The following IL17D variants were observed in gnomAD, a reference collection of about 807,000 sequenced individuals.
IL17D encodes interleukin 17D.
In IL17D, 10 loss-of-function variants were observed where a neutral mutation model predicts 5.7. That is an observed-to-expected ratio of 1.75 (90% CI 1.08 to 2.97). The LOEUF (loss-of-function observed/expected upper bound fraction) is 2.97, where lower values mean the gene tolerates loss of function less well. IL17D is among the 30% of genes most tolerant of loss of function. The pLI is 0.00. For synonymous variants in IL17D, 172 were observed against 141.7 expected (o/e 1.21, Z -1.52); for missense variants, 354 against 292.7 (o/e 1.21, Z -1.53).
chr13:20,704,272 G>T lies in IL17D; in HGVS notation c.271G>T (p.Val91Leu). Reference protein sequence around the residue: ...RFRPPTNLRSVSPWAYRISYD... With the variant: ...RFRPPTNLRSLSPWAYRISYD... Reference sequence around the variant, plus strand: ...CCGGCCGCCCACCAACCTGCGCAGCGTGTCGCCCTGGGCCTACAGGTGAGC... The same window carrying T: ...CCGGCCGCCCACCAACCTGCGCAGCTTGTCGCCCTGGGCCTACAGGTGAGC... The change falls in exon 1 of 2, where the codon GTG becomes TTG. Residue 91 changes from valine to leucine, a missense_variant. By Grantham distance (32) the Val-to-Leu change is conservative. Coordinates refer to ENST00000682841, the MANE Select transcript of IL17D (RefSeq NM_001385224.1). The T allele has an allele frequency of 1.6e-6, 2 of 1,270,244 alleles. No homozygotes were observed. Among genetic ancestry groups the T allele is most frequent in the Non-Finnish European group, 9.9e-7 (1 of 1,010,706 alleles). 78.7% of individuals were successfully genotyped at this position (1,270,244 alleles called of 1,614,324 possible).
chr13:20,722,072 G>C lies in IL17D; in HGVS notation c.*118G>C. 1.2e-6 allele frequency: 1 copy of C among 815,448 alleles called. No individual in the cohort carries two copies. Among genetic ancestry groups the C allele is most frequent in the Non-Finnish European group, 1.8e-6 (1 of 542,758 alleles). 50.5% of individuals were successfully genotyped at this position (815,448 alleles called of 1,614,324 possible). ...GAGTGCACCGAGCAAACCAAGTGCC[G>C]GAGCACCAGCGCCGCCTTTCCATGG... On this transcript the variant is annotated 3_prime_UTR_variant, in exon 2 of 2. Transcript: ENST00000682841.
Position 20,722,829 on chromosome 13 carries a change from G to A in IL17D, c.*875G>A, listed in dbSNP as rs1430626676. ...TTGTGGTTAAGAGGTGGTGAGATAA[G>A]AAGTGGAACGTGACATCTTTGCCAG... is the stretch of plus-strand genomic sequence containing the variant. On this transcript the variant is annotated 3_prime_UTR_variant, in exon 2 of 2. Coordinates refer to ENST00000682841, the MANE Select transcript of IL17D (RefSeq NM_001385224.1). 6.6e-6 allele frequency: 1 copy of A among 152,248 alleles called. No homozygotes were observed. The highest frequency in any genetic ancestry group is 2.4e-5 in the African/African-American group (1 of 41,460). 9.4% of individuals were successfully genotyped at this position (152,248 alleles called of 1,614,324 possible).
rs1181336351 is a variant in IL17D, at chr13:20,721,947, G to GC, written c.606dup (p.Ter203LeufsTer31). Reference sequence around the variant, plus strand: ...CTGGGCCCCAACGACGCGCCCGCTGGCCCCTGAGGCCGGTCCTGCCCCGGG... The same window carrying GC: ...CTGGGCCCCAACGACGCGCCCGCTGGCCCCCTGAGGCCGGTCCTGCCCCGGG... On this transcript the variant is annotated frameshift_variant, in exon 2 of 2. Coordinates refer to ENST00000682841, the MANE Select transcript of IL17D (RefSeq NM_001385224.1). LOFTEE classifies it high-confidence loss of function. The GC allele has an allele frequency of 6.3e-7, 1 of 1,591,932 alleles. No homozygotes were observed. Among genetic ancestry groups the GC allele is most frequent in the East Asian group, 2.2e-5 (1 of 44,680 alleles).
At chr13:20,702,079 C>A (rs998388258), upstream of IL17D, 2 of 152,190 alleles carry the variant, frequency 1.3e-5, no homozygotes, top group African/African-American at 4.8e-5. Context: ...ATGATACTCT[C>A]TTAAAAGCCT....
Position 20,704,144 on chromosome 13 carries a change from C to T in IL17D, c.143C>T (p.Ala48Val), listed in dbSNP as rs1406582804. 3.1e-5 allele frequency: 42 copies of T among 1,346,714 alleles called. No homozygotes were observed. Among genetic ancestry groups the T allele is most frequent in the Non-Finnish European group, 3.9e-5 (41 of 1,039,776 alleles). The allele number at this position is 1,346,714 out of a possible 1,614,324, so 83.4% of individuals were successfully genotyped here. A position where few individuals can be genotyped will look rare whatever the true frequency, so the allele number is the denominator to read the frequency against. ...GAGCAGCTGTACGGGCGCCTGGCGG[C>T]CGGCGTGCTCAGTGCCTTCCACCAC... Reference protein sequence around the residue: ...LLEQLYGRLAAGVLSAFHHTL... With the variant: ...LLEQLYGRLAVGVLSAFHHTL... Residue 48 changes from alanine to valine, a missense_variant, in exon 1 of 2, where the codon GCC becomes GTC. By Grantham distance (64) the Ala-to-Val change is moderately conservative. Transcript: ENST00000682841.
At chr13:20,707,668 G>A (rs568108353) in intron 1 of IL17D, among the ~76,000 whole-genome samples, 5 of 152,028 alleles carry the variant, frequency 3.3e-5, no homozygotes, top group Non-Finnish European at 5.9e-5. Context: ...CCACAGGTGC[G>A]CACCACCACA....
intron 1 of IL17D, among the ~76,000 whole-genome samples, chr13:20,704,873 G>C (rs1426432727): frequency 6.6e-6 from 1 of 152,124 alleles, no homozygotes; most frequent in African/African-American, 2.4e-5. Flanking sequence ...TGGAGCCCTG[G>C]GAAGCGCCCT....
intron 1 of IL17D, among the ~76,000 whole-genome samples, chr13:20,709,623 C>G (rs886630562): frequency 1.3e-5 from 2 of 152,158 alleles, no homozygotes; most frequent in Admixed American, 6.5e-5. Flanking sequence ...ATCCTTAGAA[C>G]GTGGGTTCTG....
At position 20,722,018 on chromosome 13, in the gene IL17D, T is replaced by A; in HGVS notation, c.*64T>A. On this transcript the variant is annotated 3_prime_UTR_variant, in exon 2 of 2. Transcript: ENST00000682841. Reference sequence around the variant, plus strand: ...CCGAGGCGCCCAAGCTGGAGCCGCCTGGAGGGCTCGGTCGGCGACCTCTGA... The same window carrying A: ...CCGAGGCGCCCAAGCTGGAGCCGCCAGGAGGGCTCGGTCGGCGACCTCTGA... 7.2e-7 allele frequency: 1 copy of A among 1,387,884 alleles called. No individual in the cohort carries two copies. Among genetic ancestry groups the A allele is most frequent in the South Asian group, 1.4e-5 (1 of 69,924 alleles). The allele number at this position is 1,387,884 out of a possible 1,614,324, so 86.0% of individuals were successfully genotyped here.
intron 1 of IL17D, among the ~76,000 whole-genome samples, chr13:20,715,262 G>T (rs41337546): frequency 0.055 from 2,826 of 51,316 alleles, 95 homozygotes; most frequent in African/African-American, 0.12. Context: ...AGAATCTCTG[G>T]GGGTGGGGGG....
At position 20,722,347 on chromosome 13, in the gene IL17D, T is replaced by C. The variant is rs956330459; in HGVS notation, c.*393T>C. On this transcript the variant is annotated 3_prime_UTR_variant, in exon 2 of 2. Transcript: ENST00000682841. ...GGGACGCATATGCTTTTTAAAGCAA[T>C]CTAAAAATAATAATAAGTATAGCGA... The C allele has an allele frequency of 7.7e-5, 15 of 194,630 alleles. No individual in the cohort carries two copies. Among genetic ancestry groups the C allele is most frequent in the Non-Finnish European group, 1.2e-4 (12 of 97,194 alleles). The allele number at this position is 194,630 out of a possible 1,614,324, so 12.1% of individuals were successfully genotyped here. A position where few individuals can be genotyped will look rare whatever the true frequency, so the allele number is the denominator to read the frequency against.
At position 20,721,943 on chromosome 13, in the gene IL17D, G is replaced by A. The variant is rs765414486; in HGVS notation, c.598G>A (p.Ala200Thr). The A allele has an allele frequency of 1.3e-6, 2 of 1,594,362 alleles. No homozygotes were observed. Among genetic ancestry groups the A allele is most frequent in the Non-Finnish European group, 1.7e-6 (2 of 1,173,896 alleles). Reference sequence around the variant, plus strand: ...CCTGCTGGGCCCCAACGACGCGCCCGCTGGCCCCTGAGGCCGGTCCTGCCC... The same window carrying A: ...CCTGCTGGGCCCCAACGACGCGCCCACTGGCCCCTGAGGCCGGTCCTGCCC... ...KLLLGPNDAPAGP is the reference protein window; with the variant it reads ...KLLLGPNDAPTGP The change falls in exon 2 of 2, where the codon GCT (alanine) becomes ACT (threonine). Residue 200 changes from alanine to threonine, a missense_variant. Ala to Thr is a moderately conservative substitution (Grantham distance 58). Transcript: ENST00000682841.
chr13:20,704,311 T>C lies in IL17D; in HGVS notation c.290+20T>C, dbSNP rs1328681041. 4.7e-6 allele frequency: 3 copies of C among 639,528 alleles called. No homozygotes were observed. The highest frequency in any genetic ancestry group is 1.4e-4 in the East Asian group (1 of 6,962). The allele number at this position is 639,528 out of a possible 1,614,324, so 39.6% of individuals were successfully genotyped here. A position where few individuals can be genotyped will look rare whatever the true frequency, so the allele number is the denominator to read the frequency against. ...CTACAGGTGAGCCGCGGGCGCGTCC[T>C]GGCGGGGCCCGGCAGGTGGGGAGGG... is the stretch of plus-strand genomic sequence containing the variant. On this transcript the variant is annotated intron_variant, in intron 1 of 1. Transcript: ENST00000682841.
intron 1 of IL17D, among the ~76,000 whole-genome samples, chr13:20,719,442 C>A (rs2058714602): frequency 6.8e-6 from 1 of 147,046 alleles, no homozygotes; most frequent in African/African-American, 2.5e-5. Flanking sequence ...ACCACACCCA[C>A]TTGCCTCGCT....
chr13:20,722,246 C>CT lies in IL17D; in HGVS notation c.*293dup, dbSNP rs1443693132. 4 of 398,680 alleles carry CT rather than the reference C, an allele frequency of 1.0e-5. No individual in the cohort carries two copies. The highest frequency in any genetic ancestry group is 1.3e-5 in the Non-Finnish European group (3 of 224,486). 24.7% of individuals were successfully genotyped at this position (398,680 alleles called of 1,614,324 possible). On this transcript the variant is annotated 3_prime_UTR_variant, in exon 2 of 2. Coordinates refer to ENST00000682841, the MANE Select transcript of IL17D (RefSeq NM_001385224.1). ...GAGGGTTTGGAAAAGTTCACGGAGG[C>CT]TCCCTGAGGAGCCTCTCAGATCGGC... is the stretch of plus-strand genomic sequence containing the variant.
At chr13:20,721,212 T>C (rs954792626) in intron 1 of IL17D, among the ~76,000 whole-genome samples, 27 of 152,022 alleles carry the variant, frequency 1.8e-4, no homozygotes, top group Non-Finnish European at 5.9e-5. Context: ...AAGCCTGTCC[T>C]TGAAACCCGC....
chr13:20,718,622 C>A (rs1464632534), intron 1 of IL17D, among the ~76,000 whole-genome samples: 7 of 133,972 alleles, frequency 5.2e-5, no homozygotes, highest in African/African-American at 1.2e-4. Flanking sequence ...CACCTGCCCC[C>A]CACACACAGG....
chr13:20,703,423 G>A, upstream of IL17D: 2 of 985,816 alleles, frequency 2.0e-6, no homozygotes, highest in Non-Finnish European at 1.2e-6. Context: ...CGCTCAGTCG[G>A]CTTCTCGGTC....
Position 20,714,988 on chromosome 13 carries a change from G to A in IL17D, c.291-6648G>A, listed in dbSNP as rs377403300. ...TATACCCGGCCCTGGCCCCACAGCCGTCCTGGCTGCACATAGTGCTTCCAA... is the reference window on the plus strand; with the variant it reads ...TATACCCGGCCCTGGCCCCACAGCCATCCTGGCTGCACATAGTGCTTCCAA... On this transcript the variant is annotated intron_variant, in intron 1 of 1. Transcript: ENST00000682841. 1.2e-4 allele frequency among the ~76,000 whole-genome samples: 19 copies of A among 152,252 alleles called. 1 individual carries two copies. In the East Asian group the frequency reaches 1.7e-3, roughly 14 times the overall value.
Sources: allele counts gnomAD v4.1 joint callset (sites outside exome capture counted in the v4.1 genomes callset), GRCh38; gene constraint gnomAD v4.1.1; transcripts MANE v1.5; gene names NCBI Gene and HGNC (gene_info 2026-07-23, HGNC 2026-07-21).